Variants in FNDC1 observed in about 807,000 individuals in gnomAD.
The protein encoded by FNDC1 is fibronectin type III domain-containing protein 1.
In FNDC1, 96 loss-of-function variants were observed where a neutral mutation model predicts 168.0. That is an observed-to-expected ratio of 0.57 (90% CI 0.48 to 0.68). FNDC1 has a LOEUF of 0.68. Among genes scored for constraint, FNDC1 ranks in the 30% least tolerant of loss-of-function variants. The pLI, the probability that FNDC1 is intolerant of heterozygous loss-of-function variation, is 0.00. For synonymous variants in FNDC1, 1,099 were observed against 1,025.9 expected (o/e 1.07, Z -1.36); for missense variants, 2,587 against 2,482.1 (o/e 1.04, Z -0.90).
At chr6:159,192,820 C>T (rs537134653) in intron 1 of FNDC1, among the ~76,000 whole-genome samples, 19 of 152,268 alleles carry the variant, frequency 1.2e-4, no homozygotes, top group African/African-American at 4.3e-4. Flanking sequence ...GAGCCCAGGA[C>T]AGCTTTTTCA....
chr6:159,248,454 C>T (rs887800781), intron 15 of FNDC1, among the ~76,000 whole-genome samples: 4 of 151,882 alleles, frequency 2.6e-5, no homozygotes, highest in Admixed American at 6.6e-5. Flanking sequence ...TACAGGTGTG[C>T]GCCACCATGC....
At chr6:159,246,403 G>A (rs1193140649) in intron 14 of FNDC1, among the ~76,000 whole-genome samples, 1 of 152,208 alleles carries the variant, frequency 6.6e-6, no homozygotes, top group African/African-American at 2.4e-5. Context: ...AGATGGAGGA[G>A]GTGGAGGAAT....
rs1279126089 is a variant in FNDC1, at chr6:159,261,279, A to T, written c.5254+10A>T. 6.3e-7 allele frequency: 1 copy of T among 1,582,520 alleles called. No homozygotes were observed. The highest frequency in any genetic ancestry group is 1.7e-5 in the Admixed American group (1 of 58,996). On this transcript the variant is annotated intron_variant, in intron 19 of 22. Transcript: ENST00000297267. ...TTTGTCACCGAATCAGGTATGAATG[A>T]CTTCACATTCTGATTTGTTTTACTT...
chr6:159,238,103 T>C (rs974462964), intron 12 of FNDC1, among the ~76,000 whole-genome samples: 1 of 150,886 alleles, frequency 6.6e-6, no homozygotes, highest in Admixed American at 6.6e-5. Flanking sequence ...TGTACTTTTT[T>C]TTTTTTTTTT....
At chr6:159,235,417 G>T (rs914485080) in intron 11 of FNDC1, among the ~76,000 whole-genome samples, 6 of 151,926 alleles carry the variant, frequency 3.9e-5, no homozygotes, top group Non-Finnish European at 8.8e-5. Context: ...CACTAAGATT[G>T]ACTGTTTTAA....
At position 159,215,156 on chromosome 6, in the gene FNDC1, G is replaced by A. The variant is rs1782685266; in HGVS notation, c.667+5G>A. On this transcript the variant is annotated splice_donor_5th_base_variant and intron_variant, in intron 5 of 22. Coordinates refer to ENST00000297267, the MANE Select transcript of FNDC1 (RefSeq NM_032532.3). ...CACACGAAATTAAAAAGCTAGGTGAGTTTCATATTCATTGGTATTCAATGT... is the reference window on the plus strand; with the variant it reads ...CACACGAAATTAAAAAGCTAGGTGAATTTCATATTCATTGGTATTCAATGT... 1 of 1,611,534 alleles carries A rather than the reference G, an allele frequency of 6.2e-7. No homozygotes were observed.
At chr6:159,171,366 T>C (rs994722366) in intron 1 of FNDC1, among the ~76,000 whole-genome samples, 1 of 152,228 alleles carries the variant, frequency 6.6e-6, no homozygotes, top group African/African-American at 2.4e-5. Flanking sequence ...AACCTGTAGA[T>C]AGCTCCCCAT....
In FNDC1 at chr6:159,232,599, C is replaced by A. The variant is rs199926859; in HGVS notation, c.2087C>A (p.Pro696Gln). The change falls in exon 11 of 23, where the codon CCG (proline) becomes CAG (glutamine). Residue 696 changes from proline (P) to glutamine (Q), a missense_variant. Pro to Gln is a moderately conservative substitution (Grantham distance 76). Transcript: ENST00000297267. This position sits in a 1 kb window ranked among gnomAD's most constrained non-coding sequence, Gnocchi z 4.9. ...SVHPGAKPAS[P>Q]ARRTPHSGAA... ...CACCCCGGCGCAAAGCCAGCCTCGC[C>A]GGCCCGGAGGACCCCCCATTCAGGG... 1,740 of 1,607,908 alleles carry A rather than the reference C, an allele frequency of 1.1e-3. 1 individual carries two copies. The highest frequency in any genetic ancestry group is 1.5e-3 in the Middle Eastern group (9 of 6,038).
chr6:159,208,358 C>T (rs1171723411), intron 4 of FNDC1, among the ~76,000 whole-genome samples: 1 of 152,202 alleles, frequency 6.6e-6, no homozygotes, highest in Non-Finnish European at 1.5e-5. Flanking sequence ...AGACTCTAGC[C>T]TTGCCTACAC....
At chr6:159,266,055 C>T (rs1378455535) in intron 20 of FNDC1, 29 bp from the exon 21 acceptor site, 1 of 1,611,300 alleles carries the variant, frequency 6.2e-7, no homozygotes, top group Non-Finnish European at 8.5e-7. Context: ...GAGTGCTTAC[C>T]CTTAGCAGGT....
chr6:159,248,269 C>T (rs6900320), intron 15 of FNDC1, among the ~76,000 whole-genome samples: 13,058 of 151,534 alleles, frequency 0.086, 1,045 homozygotes, highest in East Asian at 0.33. Context: ...ATTAATCCCA[C>T]CCCCCATGCC....
chr6:159,221,463 G>A, intron 5 of FNDC1, 135 bp from the exon 6 acceptor site: 1 of 676,968 alleles, frequency 1.5e-6, no homozygotes, highest in Admixed American at 2.3e-5. Context: ...CTCAAGAAGT[G>A]GGAATACCCC....
At chr6:159,271,250 A>G (rs1340025823) in intron 22 of FNDC1, 77 bp from the exon 23 acceptor site, 1 of 929,178 alleles carries the variant, frequency 1.1e-6, no homozygotes, top group Non-Finnish European at 1.7e-6. Flanking sequence ...TTCTGTCTGA[A>G]GGAGGCTGTA....
Position 159,223,599 on chromosome 6 carries a change from T to C in FNDC1, c.838T>C (p.Trp280Arg), listed in dbSNP as rs1396637010. The C allele has an allele frequency of 6.2e-7, 1 of 1,613,806 alleles. No individual in the cohort carries two copies. The change falls in exon 7 of 23, where the codon TGG (tryptophan) becomes CGG (arginine). Residue 280 changes from tryptophan (W) to arginine (R), a missense_variant. Transcript: ENST00000297267. ...GTCATCTCAGTCTGTGCTTGTGTCC[T>C]GGGTGGATCCTGTTCTGGAAAAACA... ...VMSSQSVLVS[W>R]VDPVLEKQKK...
chr6:159,195,408 T>G (rs1334591076), intron 1 of FNDC1, among the ~76,000 whole-genome samples: 25 of 45,808 alleles, frequency 5.5e-4, no homozygotes, highest in Middle Eastern at 0.017. Flanking sequence ...TGGGGGAAGG[T>G]GGGGTGGAGG....
chr6:159,253,156 C>G (rs1048502298), intron 17 of FNDC1, among the ~76,000 whole-genome samples: 2 of 152,210 alleles, frequency 1.3e-5, no homozygotes, highest in Admixed American at 6.5e-5. Flanking sequence ...ATCATGAGTA[C>G]TCACGACACT....
rs372804356 is a variant in FNDC1 at position 159,191,445 on chromosome 6, G to A, written c.110-5986G>A. ...GGGAATACTTGGTAGAAAAATCAAA[G>A]AAGAAATAGCATTTGTTTTTCATGC... On this transcript the variant is annotated intron_variant, in intron 1 of 22. Coordinates refer to ENST00000297267, the MANE Select transcript of FNDC1 (RefSeq NM_032532.3). Among the ~76,000 whole-genome samples, 31 of 152,336 alleles carry A rather than the reference G, an allele frequency of 2.0e-4. No homozygotes were observed. The East Asian group carries it at 4.6e-3, about 23-fold the overall frequency.
chr6:159,227,646 C>CTTTTTTTTTT (rs10537794), intron 9 of FNDC1, among the ~76,000 whole-genome samples: 1 of 135,968 alleles, frequency 7.4e-6, no homozygotes, highest in Non-Finnish European at 1.6e-5. Flanking sequence ...TCTTCTTTCT[C>CTTTTTTTTTT]TTTTTTTTTT....
At chr6:159,175,602 C>G (rs1270674047) in intron 1 of FNDC1, among the ~76,000 whole-genome samples, 1 of 152,190 alleles carries the variant, frequency 6.6e-6, no homozygotes, top group African/African-American at 2.4e-5. Context: ...TCCAACAAGG[C>G]TAAACTTAAG....
Sources: allele counts gnomAD v4.1 joint callset (sites outside exome capture counted in the v4.1 genomes callset), GRCh38; gene constraint gnomAD v4.1.1; non-coding constraint Gnocchi (gnomAD v3.1); transcripts MANE v1.5; gene names NCBI Gene and HGNC (gene_info 2026-07-23, HGNC 2026-07-21).